Variants in ASTN2 observed in about 807,000 individuals in gnomAD.
ASTN2 encodes astrotactin 2.
ASTN2 carries 54 observed loss-of-function variants against 139.8 expected under a neutral mutation model. That is an observed-to-expected ratio of 0.39 (90% CI 0.31 to 0.48). The LOEUF is 0.48. Ranked by LOEUF, ASTN2 falls within the 20% of genes least tolerant of loss-of-function variation. The probability of loss-of-function intolerance (pLI) is 0.95; values close to 1 mark genes in which losing one functional copy is unlikely to be tolerated. For missense variants in ASTN2, 1,565 were observed against 1,725.1 expected, an observed-to-expected ratio of 0.91 and a Z score of 1.64; for synonymous variants, 756 against 719.5, an observed-to-expected ratio of 1.05 and a Z score of -0.81.
intron 10 of ASTN2, among the ~76,000 whole-genome samples, chr9:116,915,636 T>C (rs1391372322): frequency 6.6e-6 from 1 of 152,074 alleles, no homozygotes; most frequent in East Asian, 1.9e-4. Context: ...TCCATAAAAA[T>C]CCTTAAGCTG....
intron 10 of ASTN2, among the ~76,000 whole-genome samples, chr9:116,884,551 A>G (rs1217321662): frequency 6.6e-6 from 1 of 152,014 alleles, no homozygotes; most frequent in Non-Finnish European, 1.5e-5. Context: ...TTCCTCTTTG[A>G]ATACCAGAGG....
chr9:116,834,244 A>G (rs1449065497), intron 11 of ASTN2, among the ~76,000 whole-genome samples: 1 of 152,184 alleles, frequency 6.6e-6, no homozygotes, highest in Non-Finnish European at 1.5e-5. Context: ...TCCTGTAGGC[A>G]CTTGAAAATA....
intron 10 of ASTN2, among the ~76,000 whole-genome samples, chr9:116,916,839 C>A (rs553054347): frequency 7.4e-6 from 1 of 135,206 alleles, no homozygotes; most frequent in Admixed American, 7.0e-5. Context: ...CTCAAAAAAA[C>A]AAAAACAAAA....
intron 3 of ASTN2, among the ~76,000 whole-genome samples, chr9:117,204,998 T>C (rs1050270504): frequency 5.9e-5 from 9 of 152,186 alleles, no homozygotes; most frequent in Non-Finnish European, 1.2e-4. Context: ...GGGCACTGTC[T>C]ATGTGGGAGG....
intron 10 of ASTN2, among the ~76,000 whole-genome samples, chr9:116,968,765 G>T (rs540565035): frequency 6.6e-6 from 1 of 152,134 alleles, no homozygotes; most frequent in African/African-American, 2.4e-5. Flanking sequence ...CAGGTGTGGT[G>T]TTGTGTGCCT....
At chr9:117,204,104 T>A (rs1036322762) in intron 3 of ASTN2, among the ~76,000 whole-genome samples, 1 of 152,158 alleles carries the variant, frequency 6.6e-6, no homozygotes, top group African/African-American at 2.4e-5. Context: ...GAAGGATGGG[T>A]CAGGGTTACA....
At chr9:116,686,930 C>A (rs957083920) in intron 16 of ASTN2, 2 of 1,493,100 alleles carry the variant, frequency 1.3e-6, no homozygotes, top group South Asian at 1.3e-5. Context: ...TCCGTTGGCC[C>A]ATTTCTCAGA....
intron 16 of ASTN2, among the ~76,000 whole-genome samples, chr9:116,678,336 A>G (rs1216566446): frequency 1.3e-5 from 2 of 152,224 alleles, no homozygotes; most frequent in South Asian, 2.1e-4. Flanking sequence ...CTGATGTCCT[A>G]GGCTCCACCC....
chr9:117,255,815 G>A (rs1833671485), intron 2 of ASTN2, among the ~76,000 whole-genome samples: 1 of 152,182 alleles, frequency 6.6e-6, no homozygotes, highest in South Asian at 2.1e-4. Context: ...GCTCTCTCTA[G>A]AGAAGCTTTC....
intron 10 of ASTN2, among the ~76,000 whole-genome samples, chr9:116,974,477 T>A (rs1401493992): frequency 2.0e-5 from 3 of 150,900 alleles, no homozygotes; most frequent in African/African-American, 7.3e-5. Flanking sequence ...CGTGGTTTTA[T>A]AAGTTAAGAA....
intron 11 of ASTN2, among the ~76,000 whole-genome samples, chr9:116,854,370 GTAT>G (rs1333023548): frequency 4.6e-5 from 7 of 152,168 alleles, no homozygotes; most frequent in African/African-American, 1.7e-4. Flanking sequence ...GGCATAAGTA[GTAT>G]TATCCCCATT....
At chr9:116,658,254 C>T (rs560321081) in intron 16 of ASTN2, among the ~76,000 whole-genome samples, 1 of 152,226 alleles carries the variant, frequency 6.6e-6, no homozygotes, top group African/African-American at 2.4e-5. Flanking sequence ...ATATTCTCAG[C>T]AACTGGCAAG....
chr9:116,697,755 G>A, intron 16 of ASTN2: 2 of 1,614,054 alleles, frequency 1.2e-6, no homozygotes, highest in African/African-American at 2.7e-5. Flanking sequence ...GGCTGCAGCA[G>A]CAGCTTCTCA....
chr9:117,168,223 G>A (rs1397258200), intron 3 of ASTN2, among the ~76,000 whole-genome samples: 3 of 152,108 alleles, frequency 2.0e-5, no homozygotes, highest in Admixed American at 2.0e-4. Context: ...AGAGAATGAT[G>A]AGAGGAACTA....
Position 116,492,589 on chromosome 9 carries a change from C to T in ASTN2, c.3356-5089G>A, listed in dbSNP as rs183955137. Among the ~76,000 whole-genome samples the T allele has an allele frequency of 1.2e-3, 190 of 152,164 alleles. 1 individual carries two copies. The highest frequency in any genetic ancestry group is 6.6e-3 in the South Asian group (32 of 4,816). ...CTGGAGTCTCGGAGATAACTTGTAC[C>T]AGCCAACTTATGAGATAAAATCACT... is the stretch of plus-strand genomic sequence containing the variant. On this transcript the variant is annotated intron_variant, in intron 19 of 22. Coordinates refer to ENST00000313400, the MANE Select transcript of ASTN2 (RefSeq NM_001365068.1).
intron 4 of ASTN2, among the ~76,000 whole-genome samples, chr9:117,128,637 C>G (rs780159328): frequency 6.6e-6 from 1 of 152,158 alleles, no homozygotes; most frequent in Non-Finnish European, 1.5e-5. Context: ...CAAAGTTAAA[C>G]TATAAACTAA....
At chr9:117,318,292 T>C (rs1828211835) in intron 1 of ASTN2, among the ~76,000 whole-genome samples, 1 of 152,188 alleles carries the variant, frequency 6.6e-6, no homozygotes, top group Non-Finnish European at 1.5e-5. Context: ...CACTAAGTTT[T>C]GTGAGGACAG....
At chr9:117,285,083 T>C (rs1344296079) in intron 2 of ASTN2, among the ~76,000 whole-genome samples, 1 of 152,230 alleles carries the variant, frequency 6.6e-6, no homozygotes, top group East Asian at 1.9e-4. Flanking sequence ...TACTCAGTTA[T>C]TATTTCTACT....
intron 12 of ASTN2, among the ~76,000 whole-genome samples, chr9:116,820,292 T>G (rs10491575): frequency 0.19 from 29,244 of 152,194 alleles, 3,079 homozygotes; most frequent in East Asian, 0.47. Flanking sequence ...CAAACTGCAC[T>G]GACTAGGCCC....
Sources: gnomAD v4.1 joint callset for allele counts (sites outside exome capture counted in the v4.1 genomes callset) on GRCh38, gnomAD v4.1.1 for gene constraint, MANE v1.5 for transcripts, NCBI Gene and HGNC (gene_info 2026-07-23, HGNC 2026-07-21) for gene names.